LGI1: variants seen among roughly 807,000 people sequenced by gnomAD.
The protein encoded by LGI1 is leucine rich glioma inactivated 1, also known as leucine-rich glioma-inactivated protein 1.
Under a neutral mutation model 57.7 loss-of-function variants are expected in LGI1, and 11 were observed. The observed-to-expected ratio is 0.19, with a 90% CI of 0.12 to 0.32. LGI1 has a LOEUF of 0.32. Among genes scored for constraint, LGI1 ranks in the 10% least tolerant of loss-of-function variants. LGI1 has a pLI of 1.00. For synonymous variants in LGI1, 222 were observed against 241.9 expected (o/e 0.92, Z 0.76); for missense variants, 422 against 661.9 (o/e 0.64, Z 3.98).
At chr10:93,784,762 C>A (rs1333962360) in intron 4 of LGI1, among the ~76,000 whole-genome samples, 1 of 152,096 alleles carries the variant, frequency 6.6e-6, no homozygotes, top group Non-Finnish European at 1.5e-5. Flanking sequence ...GCTAACAGAT[C>A]TTTGCAGAGG....
intron 2 of LGI1, among the ~76,000 whole-genome samples, chr10:93,772,144 A>G (rs1238507561): frequency 1.3e-5 from 2 of 152,192 alleles, no homozygotes; most frequent in African/African-American, 2.4e-5. Flanking sequence ...GAAAAGATGA[A>G]GTAATATCCT....
intron 4 of LGI1, among the ~76,000 whole-genome samples, chr10:93,781,392 T>A (rs1009116905): frequency 5.5e-5 from 7 of 126,774 alleles, no homozygotes; most frequent in African/African-American, 1.6e-4. Context: ...TAAATAAATA[T>A]AAAAAAGTTA....
At chr10:93,793,056 T>C in intron 6 of LGI1, 130 bp from the exon 7 acceptor site, 26 of 1,136,494 alleles carry the variant, frequency 2.3e-5, no homozygotes. Context: ...TTGACAATGC[T>C]TCATGTGTTT....
chr10:93,779,663 G>A (rs1045984190), intron 4 of LGI1, among the ~76,000 whole-genome samples: 2 of 152,160 alleles, frequency 1.3e-5, no homozygotes, highest in Non-Finnish European at 1.5e-5. Flanking sequence ...ATTTAAATAT[G>A]GGTCTTAATG....
At chr10:93,778,530 A>G (rs1300183328) in intron 4 of LGI1, among the ~76,000 whole-genome samples, 2 of 152,224 alleles carry the variant, frequency 1.3e-5, no homozygotes, top group Non-Finnish European at 2.9e-5. Context: ...CCTGCCAAAC[A>G]GGCACAATAA....
At chr10:93,765,475 T>C (rs931138829) in intron 2 of LGI1, 2 of 152,180 alleles carry the variant, frequency 1.3e-5, no homozygotes, top group Non-Finnish European at 2.9e-5. Flanking sequence ...TACATGCACA[T>C]GGAGCCCTAT....
At chr10:93,759,699 G>C (rs1168043219) in intron 2 of LGI1, among the ~76,000 whole-genome samples, 4 of 152,132 alleles carry the variant, frequency 2.6e-5, no homozygotes, top group Non-Finnish European at 5.9e-5. Context: ...CTGAGTCTTG[G>C]CTATCTTAAC....
rs2134027009 is a variant in LGI1, at chr10:93,797,616, A to T, written c.1487A>T (p.Tyr496Phe). The T allele has an allele frequency of 2.5e-6, 4 of 1,614,122 alleles. No individual in the cohort carries two copies. Among genetic ancestry groups the T allele is most frequent in the South Asian group, 1.1e-5 (1 of 91,092 alleles). Residue 496 changes from tyrosine to phenylalanine, a missense_variant, in exon 8 of 8, where the codon TAC (tyrosine) becomes TTC (phenylalanine). Physicochemically the swap from Tyr to Phe is conservative, Grantham distance 22 (BLOSUM62 3). Around this residue, in one of 3 missense-constraint regions of LGI1, gnomAD observed 301 missense variants for 461.7 expected, o/e 0.65. Transcript: ENST00000371418. The surrounding 1 kb of genome is among the most constrained non-coding windows in gnomAD (Gnocchi z 6.5). ...NYQYAILGSDYSFTQVYNWDA... is the reference protein window; with the variant it reads ...NYQYAILGSDFSFTQVYNWDA... ...CAATATGCAATTCTTGGAAGTGATTACTCCTTTACTCAAGTGTATAACTGG... is the reference window on the plus strand; with the variant it reads ...CAATATGCAATTCTTGGAAGTGATTTCTCCTTTACTCAAGTGTATAACTGG...
At chr10:93,783,260 C>T (rs1304527299) in intron 4 of LGI1, among the ~76,000 whole-genome samples, 1 of 152,116 alleles carries the variant, frequency 6.6e-6, no homozygotes, top group African/African-American at 2.4e-5. Context: ...CCTGTAGTCC[C>T]AGCTACTCGG....
intron 2 of LGI1, chr10:93,769,096 CA>C (rs1472801045): frequency 1.3e-5 from 2 of 152,152 alleles, no homozygotes; most frequent in African/African-American, 4.8e-5. Flanking sequence ...ATAATGTGTG[CA>C]TTTAACTAAA....
intron 4 of LGI1, chr10:93,788,286 AT>A (rs1271090728): frequency 1.3e-5 from 2 of 152,210 alleles, no homozygotes; most frequent in African/African-American, 4.8e-5. Context: ...GCAGCATTTT[AT>A]TAATTTTGCT....
intron 2 of LGI1, among the ~76,000 whole-genome samples, chr10:93,774,523 T>C (rs2059772895): frequency 6.6e-6 from 1 of 152,186 alleles, no homozygotes; most frequent in Non-Finnish European, 1.5e-5. Context: ...CTTTATCCTT[T>C]AGCTTCTCTA....
chr10:93,783,783 G>T (rs888699501), intron 4 of LGI1, among the ~76,000 whole-genome samples: 3 of 152,140 alleles, frequency 2.0e-5, no homozygotes, highest in Non-Finnish European at 2.9e-5. Context: ...AGGCCAAGGC[G>T]GGCGGATCAC....
At chr10:93,775,727 C>T (rs1406914506) in intron 2 of LGI1, among the ~76,000 whole-genome samples, 1 of 152,186 alleles carries the variant, frequency 6.6e-6, no homozygotes, top group Non-Finnish European at 1.5e-5. Context: ...CCACTATGTC[C>T]TGCATCTGAT....
At chr10:93,795,253 C>G (rs188255316) in intron 7 of LGI1, among the ~76,000 whole-genome samples, 2 of 152,070 alleles carry the variant, frequency 1.3e-5, no homozygotes, top group Admixed American at 1.3e-4. Context: ...CAAAAAATAC[C>G]TTGACTGCGT....
chr10:93,773,785 G>A (rs1030861745), intron 2 of LGI1, among the ~76,000 whole-genome samples: 1 of 152,104 alleles, frequency 6.6e-6, no homozygotes, highest in Non-Finnish European at 1.5e-5. Flanking sequence ...GAAAATGCCT[G>A]GCTTCTTAGG....
intron 4 of LGI1, chr10:93,789,858 C>A: frequency 2.1e-6 from 1 of 481,040 alleles, no homozygotes; most frequent in Non-Finnish European, 3.7e-6. Context: ...GGTGACAGAG[C>A]GAGACTTTTG....
At chr10:93,789,797 G>A (rs1473943830) in intron 4 of LGI1, 10 of 293,692 alleles carry the variant, frequency 3.4e-5, no homozygotes, top group East Asian at 2.0e-4. Context: ...ACTTGAACCC[G>A]GGAGGCAGAG....
At position 93,798,003 on chromosome 10, in the gene LGI1, ATT is replaced by A; in HGVS notation, c.*202_*203del. 1.6e-6 allele frequency: 1 copy of A among 609,056 alleles called. No individual in the cohort carries two copies. The highest frequency in any genetic ancestry group is 2.9e-6 in the Non-Finnish European group (1 of 341,254). The allele number at this position is 609,056 out of a possible 1,614,324, so 37.7% of individuals were successfully genotyped here. ...GGGAAGTTACCTTTTATAAGACAAA[ATT>A]TAATTGTGTAACTGTTCTTTGCAGT... is the stretch of plus-strand genomic sequence containing the variant. On this transcript the variant is annotated 3_prime_UTR_variant, in exon 8 of 8. Transcript: ENST00000371418.
Sources: allele counts gnomAD v4.1 joint callset (sites outside exome capture counted in the v4.1 genomes callset), GRCh38; gene constraint gnomAD v4.1.1; regional missense constraint gnomAD v4.1.1; non-coding constraint Gnocchi (gnomAD v3.1); transcripts MANE v1.5; gene names NCBI Gene and HGNC (gene_info 2026-07-23, HGNC 2026-07-21).